The following XPO5 variants were observed in gnomAD, a reference collection of about 807,000 sequenced individuals.
XPO5 encodes the protein exportin 5.
In XPO5, 46 loss-of-function variants were observed where a neutral mutation model predicts 160.6. That is an observed-to-expected ratio of 0.29 (90% CI 0.23 to 0.37). XPO5 has a LOEUF of 0.37. Among genes scored for constraint, XPO5 ranks in the 10% least tolerant of loss-of-function variants. The pLI, the probability that XPO5 is intolerant of heterozygous loss-of-function variation, is 1.00. For missense variants in XPO5, 1,090 were observed against 1,463.9 expected, an observed-to-expected ratio of 0.74 and a Z score of 4.17; for synonymous variants, 537 against 519.3, an observed-to-expected ratio of 1.03 and a Z score of -0.46.
Position 43,575,888 on chromosome 6 carries a change from G to A in XPO5, c.-24C>T, listed in dbSNP as rs376029586. 1.1e-5 allele frequency: 18 copies of A among 1,610,132 alleles called. No homozygotes were observed. The African/African-American group carries it at 2.3e-4, about 20-fold the overall frequency. ...ATGCCTAGCGCCACGCGCCGAGAGCGCACACCACTGCAGTCCCGGGACCAC... is the reference window on the plus strand; with the variant it reads ...ATGCCTAGCGCCACGCGCCGAGAGCACACACCACTGCAGTCCCGGGACCAC... On this transcript the variant is annotated 5_prime_UTR_variant, in exon 1 of 32. Coordinates refer to ENST00000265351, the MANE Select transcript of XPO5 (RefSeq NM_020750.3).
At chr6:43,524,661 T>C in intron 30 of XPO5, 26 bp from the exon 31 acceptor site, 1 of 1,607,914 alleles carries the variant, frequency 6.2e-7, no homozygotes, top group African/African-American at 1.3e-5. Context: ...ATAAACTTAC[T>C]GGATGTAGGT....
rs1158528722 is a variant in XPO5, at chr6:43,558,488, C to T, written c.1312+13G>A. 6.3e-7 allele frequency: 1 copy of T among 1,582,736 alleles called. No individual in the cohort carries two copies. Among genetic ancestry groups the T allele is most frequent in the Non-Finnish European group, 8.6e-7 (1 of 1,166,142 alleles). On this transcript the variant is annotated intron_variant, in intron 12 of 31. Coordinates refer to ENST00000265351, the MANE Select transcript of XPO5 (RefSeq NM_020750.3). The stretch of plus-strand genomic sequence containing the variant: ...GAGACTGTTGAGAGAAATCCAAGGC[C>T]AACATCACTTACAGTTGAAGAAAGC...
In XPO5 at chr6:43,546,580, G is replaced by C. The variant is rs375364641; in HGVS notation, c.2333C>G (p.Ala778Gly). 6.2e-7 allele frequency: 1 copy of C among 1,607,550 alleles called. No individual in the cohort carries two copies. Among genetic ancestry groups the C allele is most frequent in the South Asian group, 1.1e-5 (1 of 89,330 alleles). ...QILKLLDNLLALIRTHNTLYA... is the reference protein window; with the variant it reads ...QILKLLDNLLGLIRTHNTLYA... Reference sequence around the variant, plus strand: ...CATTATTCTGACTCACCTTATAAGCGCAAGCAAATTGTCAAGAAGTTTCAG... The same window carrying C: ...CATTATTCTGACTCACCTTATAAGCCCAAGCAAATTGTCAAGAAGTTTCAG... Residue 778 changes from alanine to glycine, a missense_variant, in exon 20 of 32, where the codon GCG (alanine) becomes GGG (glycine). Around this residue, in one of 3 missense-constraint regions of XPO5, gnomAD observed 810 missense variants for 1,139.0 expected, o/e 0.71. Transcript: ENST00000265351.
At position 43,568,103 on chromosome 6, in the gene XPO5, T is replaced by C. The variant is rs375473789; in HGVS notation, c.648+608A>G. Among the ~76,000 whole-genome samples the C allele has an allele frequency of 3.3e-5, 5 of 151,342 alleles. No homozygotes were observed. The East Asian group carries it at 5.9e-4, about 18-fold the overall frequency. ...GAGGGCGGATGATGAGGTCAGGAGA[T>C]TGAGACTATCCTGGCTAACATGGTG... On this transcript the variant is annotated intron_variant, in intron 6 of 31. Transcript: ENST00000265351.
intron 1 of XPO5, among the ~76,000 whole-genome samples, chr6:43,574,097 T>G (rs1018697542): frequency 1.3e-5 from 2 of 152,056 alleles, no homozygotes; most frequent in Admixed American, 1.3e-4. Flanking sequence ...CCCAAAGTGC[T>G]GGGATTACAG....
At position 43,556,108 on chromosome 6, in the gene XPO5, T is replaced by G. The variant is rs1762071391; in HGVS notation, c.1313-144A>C. On this transcript the variant is annotated intron_variant, in intron 12 of 31. Transcript: ENST00000265351. The stretch of plus-strand genomic sequence containing the variant: ...CTTGTGCTTTGCATGTAATAATCAC[T>G]CAATAAAACTTTATTAACGAATCCA... 4 of 1,086,368 alleles carry G rather than the reference T, an allele frequency of 3.7e-6. No individual in the cohort carries two copies. The East Asian group carries it at 1.0e-4, about 28-fold the overall frequency. The allele number at this position is 1,086,368 out of a possible 1,614,324, so 67.3% of individuals were successfully genotyped here.
chr6:43,539,325 A>T, intron 20 of XPO5: 4 of 1,573,332 alleles, frequency 2.5e-6, no homozygotes, highest in Admixed American at 1.7e-5. Context: ...ATAGCAACAA[A>T]CGCCTTGAAC....
intron 3 of XPO5, 24 bp downstream of exon 3, chr6:43,572,482 G>A (rs993441079): frequency 6.2e-7 from 1 of 1,611,942 alleles, no homozygotes; most frequent in East Asian, 2.2e-5. Context: ...TTGGAAACAT[G>A]TCTCCCAACC....
intron 8 of XPO5, among the ~76,000 whole-genome samples, chr6:43,564,488 C>T (rs541597587): frequency 1.2e-4 from 18 of 151,678 alleles, no homozygotes; most frequent in Middle Eastern, 3.4e-3. Flanking sequence ...GAGATCGCAT[C>T]ATTGCACCCC....
intron 16 of XPO5, 69 bp from the exon 17 acceptor site, chr6:43,549,647 G>T: frequency 6.5e-7 from 1 of 1,529,138 alleles, no homozygotes; most frequent in African/African-American, 1.4e-5. Flanking sequence ...ATAGACTCAT[G>T]TGAATATCTC....
At chr6:43,525,083 G>A (rs890998607) in intron 29 of XPO5, 24 bp downstream of exon 29, 13 of 1,569,170 alleles carry the variant, frequency 8.3e-6, no homozygotes, top group African/African-American at 1.4e-5. Flanking sequence ...ATGAGGGGCA[G>A]GGAAAAGGGG....
Position 43,573,559 on chromosome 6 carries a change from A to G in XPO5, c.148T>C (p.Cys50Arg). The change falls in exon 2 of 32, where the codon TGT becomes CGT. Residue 50 changes from cysteine (C) to arginine (R), a missense_variant. Cys to Arg is a radical substitution (Grantham distance 180, BLOSUM62 -3). This residue lies in a region of XPO5 where 170 missense variants were observed against 227.0 expected (regional missense o/e 0.75). Coordinates refer to ENST00000265351, the MANE Select transcript of XPO5 (RefSeq NM_020750.3). ...GTTTTCTCAGCCAACCTCAAGCCAC[A>G]GGGGACACAGATAGGACACTTTTCT... ...FKEKCPICVP[C>R]GLRLAEKTQV... The G allele has an allele frequency of 6.2e-7, 1 of 1,613,696 alleles. No homozygotes were observed. Among genetic ancestry groups the G allele is most frequent in the Non-Finnish European group, 8.5e-7 (1 of 1,179,698 alleles).
chr6:43,572,929 C>T (rs1225064146), intron 2 of XPO5, among the ~76,000 whole-genome samples: 1 of 152,176 alleles, frequency 6.6e-6, no homozygotes, highest in Admixed American at 6.5e-5. Context: ...GCAGTTTTGA[C>T]ATCAGTCATT....
At chr6:43,536,554 C>T (rs189041986) in intron 20 of XPO5, among the ~76,000 whole-genome samples, 57 of 151,136 alleles carry the variant, frequency 3.8e-4, no homozygotes, top group African/African-American at 1.2e-3. Flanking sequence ...GTCAGGAGTT[C>T]AAGACCAGTC....
intron 11 of XPO5, among the ~76,000 whole-genome samples, chr6:43,559,721 C>G (rs985656295): frequency 1.3e-5 from 2 of 152,196 alleles, no homozygotes; most frequent in African/African-American, 4.8e-5. Flanking sequence ...GTTATAATAA[C>G]CAGTAAGGAC....
chr6:43,533,372 G>A (rs746661512), intron 21 of XPO5: 1 of 152,808 alleles, frequency 6.5e-6, no homozygotes, highest in Non-Finnish European at 1.5e-5. Flanking sequence ...TGAAGAAGGG[G>A]TTAACGGGGA....
chr6:43,526,586 T>G, intron 27 of XPO5, 99 bp downstream of exon 27: 1 of 1,349,676 alleles, frequency 7.4e-7, no homozygotes, highest in Non-Finnish European at 1.0e-6. Context: ...ATGTAGGGTG[T>G]CTTCTCCTCA....
In XPO5 at chr6:43,533,986, T is replaced by G. The variant is rs1396799538; in HGVS notation, c.2364A>C (p.Ala788=). Residue 788 remains alanine (A), a synonymous_variant, in exon 21 of 32, where the codon GCA becomes GCC. Transcript: ENST00000265351. ...CTGCCATTTTGGCTAGCATTTCTGGTGCATATAATGTATTGTGGGTTCTGA... is the reference window on the plus strand; with the variant it reads ...CTGCCATTTTGGCTAGCATTTCTGGGGCATATAATGTATTGTGGGTTCTGA... The part of the protein sequence containing the change: ...ALIRTHNTLY[A]PEMLAKMAEP... 1 of 1,604,062 alleles carries G rather than the reference T, an allele frequency of 6.2e-7. No individual in the cohort carries two copies. The highest frequency in any genetic ancestry group is 8.5e-7 in the Non-Finnish European group (1 of 1,173,692).
chr6:43,523,770 G>GA lies in XPO5; in HGVS notation c.*97dup. On this transcript the variant is annotated 3_prime_UTR_variant, in exon 32 of 32. Transcript: ENST00000265351. ...ATCTCTTTCCAGGCTGACAGTGGTG[G>GA]AAAGTGAGGTGGCAGTGCAAGAAGG... 1 of 1,593,614 alleles carries GA rather than the reference G, an allele frequency of 6.3e-7. No homozygotes were observed. Among genetic ancestry groups the GA allele is most frequent in the Non-Finnish European group, 8.6e-7 (1 of 1,162,118 alleles).
Sources: allele counts gnomAD v4.1 joint callset (sites outside exome capture counted in the v4.1 genomes callset), GRCh38; gene constraint gnomAD v4.1.1; regional missense constraint gnomAD v4.1.1; transcripts MANE v1.5; gene names NCBI Gene and HGNC (gene_info 2026-07-23, HGNC 2026-07-21).